The following OMA1 variants were observed in gnomAD, a reference collection of about 807,000 sequenced individuals.
The protein encoded by OMA1 is OMA1 zinc metallopeptidase, also known as metalloendopeptidase OMA1, mitochondrial.
Under a neutral mutation model 30.9 loss-of-function variants are expected in OMA1, and 38 were observed. The observed-to-expected ratio is 1.23, with a 90% confidence interval of 0.95 to 1.61. The LOEUF (loss-of-function observed/expected upper bound fraction) is 1.61, where lower values mean the gene tolerates loss of function less well. Ranked by LOEUF, OMA1 falls within the 40% of genes most tolerant of loss-of-function variation. The pLI is 0.00. For missense variants in OMA1, 461 were observed against 349.2 expected, an observed-to-expected ratio of 1.32 and a Z score of -2.55; for synonymous variants, 173 against 121.9, an observed-to-expected ratio of 1.42 and a Z score of -2.76.
intron 8 of OMA1, among the ~76,000 whole-genome samples, chr1:58,489,009 G>C (rs1645626563): frequency 6.6e-6 from 1 of 152,224 alleles, no homozygotes; most frequent in Non-Finnish European, 1.5e-5. Context: ...ACAGCTCCCA[G>C]CGTCAGCGAC....
chr1:58,497,629 C>T (rs142867207), intron 8 of OMA1, among the ~76,000 whole-genome samples: 110 of 152,068 alleles, frequency 7.2e-4, no homozygotes, highest in Non-Finnish European at 1.2e-3. Context: ...AAGAAGTTAC[C>T]GTTTTCTCAG....
chr1:58,513,606 T>C (rs570870171), intron 7 of OMA1, among the ~76,000 whole-genome samples: 2 of 152,200 alleles, frequency 1.3e-5, no homozygotes, highest in African/African-American at 2.4e-5. Flanking sequence ...TCCTAGAATA[T>C]TTTTTGAGAC....
chr1:58,488,417 CA>C (rs1412952063), intron 8 of OMA1, among the ~76,000 whole-genome samples: 3 of 152,130 alleles, frequency 2.0e-5, no homozygotes, highest in Non-Finnish European at 4.4e-5. Context: ...GATTCTGGTA[CA>C]CCCATCACTC....
At chr1:58,500,230 TG>T (rs1335122929) in intron 8 of OMA1, among the ~76,000 whole-genome samples, 4 of 152,190 alleles carry the variant, frequency 2.6e-5, no homozygotes, top group African/African-American at 9.6e-5. Flanking sequence ...TCAGGCTTCC[TG>T]GCTTTATATG....
intron 1 of OMA1, among the ~76,000 whole-genome samples, chr1:58,539,634 T>G (rs1017438064): frequency 6.6e-6 from 1 of 152,210 alleles, no homozygotes; most frequent in Non-Finnish European, 1.5e-5. Flanking sequence ...AAAACAACAG[T>G]AAAACTTTAT....
intron 3 of OMA1, 90 bp from the exon 4 acceptor site, chr1:58,534,421 G>C: frequency 1.6e-6 from 1 of 616,214 alleles, no homozygotes; most frequent in East Asian, 3.0e-5. Context: ...ACTTATTATT[G>C]AACATTTTAA....
At chr1:58,531,062 G>C (rs1203372206) in intron 5 of OMA1, among the ~76,000 whole-genome samples, 1 of 152,214 alleles carries the variant, frequency 6.6e-6, no homozygotes, top group African/African-American at 2.4e-5. Flanking sequence ...AACTGAGATA[G>C]AGAGAGGTTA....
At chr1:58,523,682 G>A (rs572268383) in intron 7 of OMA1, among the ~76,000 whole-genome samples, 5 of 152,226 alleles carry the variant, frequency 3.3e-5, no homozygotes, top group South Asian at 2.1e-4. Flanking sequence ...GGCGGATCAC[G>A]AGGTCAGGAG....
chr1:58,536,730 T>C lies in OMA1; in HGVS notation c.512A>G (p.Lys171Arg), dbSNP rs1296373316. The C allele has an allele frequency of 1.1e-6, 1 of 872,406 alleles. No individual in the cohort carries two copies. The highest frequency in any genetic ancestry group is 2.4e-5 in the East Asian group (1 of 41,660). 54.0% of individuals were successfully genotyped at this position (872,406 alleles called of 1,614,324 possible). The change falls in exon 3 of 9, where the codon AAA becomes AGA. Residue 171 changes from lysine to arginine, a missense_variant. Coordinates refer to ENST00000371226, the MANE Select transcript of OMA1 (RefSeq NM_145243.5). ...GTTAGGAGGAAGTGCCTGCCACCATTTCCTTATGCCCCTAAAGCAAAAAGA... is the reference window on the plus strand; with the variant it reads ...GTTAGGAGGAAGTGCCTGCCACCATCTCCTTATGCCCCTAAAGCAAAAAGA... ...FAIIVGRGIR[K>R]WWQALPPNKK...
At chr1:58,521,187 A>T (rs1646256769) in intron 7 of OMA1, among the ~76,000 whole-genome samples, 1 of 152,224 alleles carries the variant, frequency 6.6e-6, no homozygotes, top group Non-Finnish European at 1.5e-5. Flanking sequence ...ATACTTCTAA[A>T]TAACCCATGG....
chr1:58,496,709 C>T (rs1645808847), intron 8 of OMA1, among the ~76,000 whole-genome samples: 2 of 152,032 alleles, frequency 1.3e-5, no homozygotes, highest in Non-Finnish European at 2.9e-5. Flanking sequence ...GTACACTTAC[C>T]GTTCTGATTT....
At chr1:58,493,224 T>G (rs1236054557) in intron 8 of OMA1, among the ~76,000 whole-genome samples, 5 of 152,144 alleles carry the variant, frequency 3.3e-5, no homozygotes, top group Non-Finnish European at 7.4e-5. Flanking sequence ...CAGCCCTTCA[T>G]GCTAAAAACT....
At chr1:58,487,383 T>A (rs959033362) in intron 8 of OMA1, among the ~76,000 whole-genome samples, 4 of 152,274 alleles carry the variant, frequency 2.6e-5, no homozygotes, top group African/African-American at 9.6e-5. Context: ...TACTGTAATA[T>A]AATATCGTAT....
In OMA1 at chr1:58,506,206, A is replaced by C. The variant is rs964764772; in HGVS notation, c.1219T>G (p.Cys407Gly). The change falls in exon 8 of 9, where the codon TGT becomes GGT. Residue 407 changes from cysteine (C) to glycine (G), a missense_variant. Coordinates refer to ENST00000371226, the MANE Select transcript of OMA1 (RefSeq NM_145243.5). ...ACTGAACTGGCTCTTATGTCTGCAC[A>C]AGCCTAAAACCAAAATTAGTAAAAC... is the stretch of plus-strand genomic sequence containing the variant. ...KIGLLLAAKA[C>G]ADIRASSVFW... The C allele has an allele frequency of 2.3e-6, 2 of 866,632 alleles. No individual in the cohort carries two copies. The highest frequency in any genetic ancestry group is 3.3e-5 in the African/African-American group (2 of 61,282). The allele number at this position is 866,632 out of a possible 1,614,324, so 53.7% of individuals were successfully genotyped here.
At position 58,481,178 on chromosome 1, in the gene OMA1, TAAAG is replaced by T. The variant is rs751957540; in HGVS notation, c.1366-8_1366-5del. On this transcript the variant is annotated splice_region_variant and splice_polypyrimidine_tract_variant and intron_variant, in intron 8 of 8. Coordinates refer to ENST00000371226, the MANE Select transcript of OMA1 (RefSeq NM_145243.5). ...ACATCTCTCTAATTTTGAGAGCCTA[TAAAG>T]AAATAATAAAATAAAAAAATACTAT... 1.2e-6 allele frequency: 1 copy of T among 808,688 alleles called. No homozygotes were observed. The highest frequency in any genetic ancestry group is 2.1e-6 in the Non-Finnish European group (1 of 475,142). 50.1% of individuals were successfully genotyped at this position (808,688 alleles called of 1,614,324 possible). A position where few individuals can be genotyped will look rare whatever the true frequency, so the allele number is the denominator to read the frequency against.
rs779814856 is a variant in OMA1 at position 58,534,206 on chromosome 1, C to G, written c.855G>C (p.Trp285Cys). 2.3e-6 allele frequency: 2 copies of G among 871,544 alleles called. No homozygotes were observed. Among genetic ancestry groups the G allele is most frequent in the South Asian group, 2.6e-5 (2 of 76,046 alleles). 54.0% of individuals were successfully genotyped at this position (871,544 alleles called of 1,614,324 possible). ...KDVPGISQIN[W>C]VIHVVDSPII... is the part of the protein sequence containing the mutation. ...TTGGGGAATCAACCACATGAATAAC[C>G]CAATTGATCTGAGAGATCCCTGGAA... is the stretch of plus-strand genomic sequence containing the variant. The change falls in exon 4 of 9, where the codon TGG becomes TGC. Residue 285 changes from tryptophan (W) to cysteine (C), a missense_variant. Trp to Cys is a radical substitution (Grantham distance 215). Transcript: ENST00000371226.
At chr1:58,498,670 AT>A (rs1440602149) in intron 8 of OMA1, among the ~76,000 whole-genome samples, 1 of 152,332 alleles carries the variant, frequency 6.6e-6, no homozygotes, top group East Asian at 1.9e-4. Flanking sequence ...TCTTGCCTAT[AT>A]AACTATGTTT....
At chr1:58,496,989 C>A (rs762642835) in intron 8 of OMA1, among the ~76,000 whole-genome samples, 7 of 152,204 alleles carry the variant, frequency 4.6e-5, no homozygotes, top group Non-Finnish European at 1.0e-4. Context: ...ATCCAACCCA[C>A]TGATGGCCTT....
chr1:58,507,776 T>C (rs1218260432), intron 7 of OMA1, among the ~76,000 whole-genome samples: 6 of 152,092 alleles, frequency 3.9e-5, no homozygotes, highest in Admixed American at 3.9e-4. Context: ...CCCAGAGGAC[T>C]ATGCCCCTCA....
Sources: allele counts gnomAD v4.1 joint callset (sites outside exome capture counted in the v4.1 genomes callset), GRCh38; gene constraint gnomAD v4.1.1; transcripts MANE v1.5; gene names NCBI Gene and HGNC (gene_info 2026-07-23, HGNC 2026-07-21).